Variants in FLYWCH1 observed in about 807,000 individuals in gnomAD.
The protein encoded by FLYWCH1 is FLYWCH-type zinc finger-containing protein 1.
A neutral mutation model predicts 66.4 loss-of-function variants in FLYWCH1; 75 were observed. That is an observed-to-expected ratio of 1.13 (90% CI 0.94 to 1.37). The LOEUF (loss-of-function observed/expected upper bound fraction) is 1.37, where lower values mean the gene tolerates loss of function less well. FLYWCH1 is among the 40% of genes most tolerant of loss of function. The pLI, the probability that FLYWCH1 is intolerant of heterozygous loss-of-function variation, is 0.00. For missense variants in FLYWCH1, 1,334 were observed against 1,001.8 expected, an observed-to-expected ratio of 1.33 and a Z score of -4.48; for synonymous variants, 595 against 429.9, an observed-to-expected ratio of 1.38 and a Z score of -4.75.
intron 9 of FLYWCH1, among the ~76,000 whole-genome samples, chr16:2,942,842 G>C (rs11076991): frequency 0.28 from 42,358 of 149,096 alleles, 6,106 homozygotes; most frequent in Admixed American, 0.31. Flanking sequence ...GCTGGGATTA[G>C]AAGTGCGCAC....
chr16:2,931,958 A>T (rs143477515), intron 4 of FLYWCH1, among the ~76,000 whole-genome samples: 2 of 152,042 alleles, frequency 1.3e-5, no homozygotes, highest in African/African-American at 4.8e-5. Context: ...CTAAAAAAAT[A>T]CAAAAAAAGA....
At chr16:2,924,352 A>T (rs974389831) in intron 2 of FLYWCH1, among the ~76,000 whole-genome samples, 8 of 151,992 alleles carry the variant, frequency 5.3e-5, no homozygotes, top group African/African-American at 1.9e-4. Flanking sequence ...AAAAGTAAAA[A>T]GCCAGAACCC....
intron 2 of FLYWCH1, among the ~76,000 whole-genome samples, chr16:2,919,162 A>C (rs1596355144): frequency 6.7e-6 from 1 of 150,054 alleles, no homozygotes; most frequent in African/African-American, 2.5e-5. Context: ...GTTGTGATCC[A>C]CCCACCTCAG....
intron 9 of FLYWCH1, among the ~76,000 whole-genome samples, chr16:2,941,885 G>A (rs555394064): frequency 2.0e-5 from 3 of 150,926 alleles, no homozygotes; most frequent in East Asian, 3.9e-4. Context: ...GCCAGGCGTG[G>A]TGGTGGGAGC....
intron 2 of FLYWCH1, among the ~76,000 whole-genome samples, chr16:2,917,948 C>G (rs11649441): frequency 0.035 from 5,344 of 151,894 alleles, 140 homozygotes; most frequent in Middle Eastern, 0.054. Flanking sequence ...GCAATTCTCC[C>G]TGCCTCAGCC....
At position 2,948,944 on chromosome 16, in the gene FLYWCH1, G is replaced by T. The variant is rs1223051165; in HGVS notation, c.*217G>T. ...ACAGTGCTCAGAGCTGGCGCTTGCA[G>T]ACGCAGCTGTCGTGGGGCAGGGCGG... On this transcript the variant is annotated 3_prime_UTR_variant, in exon 10 of 10. Coordinates refer to ENST00000253928, the MANE Select transcript of FLYWCH1 (RefSeq NM_001308068.2). 1 of 552,604 alleles carries T rather than the reference G, an allele frequency of 1.8e-6. No individual in the cohort carries two copies. Among genetic ancestry groups the T allele is most frequent in the Admixed American group, 3.2e-5 (1 of 31,504 alleles). The allele number at this position is 552,604 out of a possible 1,614,324, so 34.2% of individuals were successfully genotyped here. A position where few individuals can be genotyped will look rare whatever the true frequency, so the allele number is the denominator to read the frequency against.
In FLYWCH1 at chr16:2,950,767, G is replaced by A. The variant is rs981202847; in HGVS notation, c.*2040G>A. The A allele has an allele frequency of 8.5e-5, 13 of 152,302 alleles. No individual in the cohort carries two copies. The highest frequency in any genetic ancestry group is 2.9e-4 in the African/African-American group (12 of 41,470). 9.4% of individuals were successfully genotyped at this position (152,302 alleles called of 1,614,324 possible). ...TCTTCCTCTGCCTCACGCCTGCTTT[G>A]ACCTTAGAAGACAGACGGCAGCTCG... On this transcript the variant is annotated 3_prime_UTR_variant, in exon 10 of 10. Transcript: ENST00000253928.
chr16:2,939,802 T>G lies in FLYWCH1; in HGVS notation c.2051-230T>G, dbSNP rs1362286081. 2.0e-5 allele frequency: 9 copies of G among 444,394 alleles called. No homozygotes were observed. In the Admixed American group the frequency reaches 2.5e-4, roughly 12 times the overall value. 27.5% of individuals were successfully genotyped at this position (444,394 alleles called of 1,614,324 possible). Reference sequence around the variant, plus strand: ...CTGGCCTTTCATCTTTGATGTCTAGTTGACCCCCACTATTTTCCATGACAG... The same window carrying G: ...CTGGCCTTTCATCTTTGATGTCTAGGTGACCCCCACTATTTTCCATGACAG... On this transcript the variant is annotated intron_variant, in intron 8 of 9. Transcript: ENST00000253928.
chr16:2,942,709 G>A lies in FLYWCH1; in HGVS notation c.2111+2617G>A, dbSNP rs546964577. ...TGTGTGCAAGGTTCACCCTTGGCTGGCATCTGGGAACTTTTTTTTTTTTTT... is the reference window on the plus strand; with the variant it reads ...TGTGTGCAAGGTTCACCCTTGGCTGACATCTGGGAACTTTTTTTTTTTTTT... On this transcript the variant is annotated intron_variant, in intron 9 of 9. Transcript: ENST00000253928. Among the ~76,000 whole-genome samples the A allele has an allele frequency of 2.9e-5, 4 of 135,748 alleles. No individual in the cohort carries two copies. The East Asian group carries it at 8.6e-4, about 29-fold the overall frequency. 89.1% of individuals were successfully genotyped at this position (135,748 alleles called of 152,430 possible).
chr16:2,934,002 C>A, intron 6 of FLYWCH1, 23 bp downstream of exon 6: 1 of 1,498,702 alleles, frequency 6.7e-7, no homozygotes, highest in Non-Finnish European at 8.9e-7. Flanking sequence ...GGGCTGGGAG[C>A]TGGGCCCCAG....
chr16:2,948,094 A>T (rs1056204835), intron 9 of FLYWCH1, among the ~76,000 whole-genome samples: 14 of 152,118 alleles, frequency 9.2e-5, no homozygotes, highest in Admixed American at 2.6e-4. Context: ...AAGAACCTTG[A>T]GGCTTGGGTG....
In FLYWCH1 at chr16:2,930,634, C is replaced by A. The variant is rs534891725; in HGVS notation, c.550C>A (p.Arg184=). 142 of 1,548,682 alleles carry A rather than the reference C, an allele frequency of 9.2e-5. 2 individuals carry two copies. In the African/African-American group the frequency reaches 1.4e-3, roughly 16 times the overall value. Residue 184 remains arginine (R), a synonymous_variant, in exon 4 of 10, where the codon CGG becomes AGG. Transcript: ENST00000253928. ...HAPDEQGLEA[R]RQREKLPSLA... is the part of the protein sequence containing the mutation. Reference sequence around the variant, plus strand: ...GCCCGATGAGCAAGGCCTGGAGGCCCGGCGCCAGAGGGAGAAACTGCCCAG... The same window carrying A: ...GCCCGATGAGCAAGGCCTGGAGGCCAGGCGCCAGAGGGAGAAACTGCCCAG...
At chr16:2,934,369 A>C (rs1367989455) in intron 6 of FLYWCH1, among the ~76,000 whole-genome samples, 1 of 152,164 alleles carries the variant, frequency 6.6e-6, no homozygotes, top group Non-Finnish European at 1.5e-5. Flanking sequence ...TGAGGAGGTG[A>C]TATTTACTTA....
Position 2,929,898 on chromosome 16 carries a change from T to A in FLYWCH1, c.213T>A (p.Ala71=), listed in dbSNP as rs779650067. ...ACTGCGTCCTGTCCCTGGAGATGGC[T>A]GGCCCCGCCACCCTCGCCAGCACCT... ...EVHCVLSLEM[A]GPATLASTLQ... Residue 71 remains alanine (A), a synonymous_variant, in exon 3 of 10, where the codon GCT becomes GCA. Coordinates refer to ENST00000253928, the MANE Select transcript of FLYWCH1 (RefSeq NM_001308068.2). 30 of 1,613,616 alleles carry A rather than the reference T, an allele frequency of 1.9e-5. No homozygotes were observed. The highest frequency in any genetic ancestry group is 2.7e-5 in the African/African-American group (2 of 74,912).
chr16:2,933,484 C>A lies in FLYWCH1; in HGVS notation c.1151C>A (p.Thr384Asn). The A allele has an allele frequency of 3.1e-6, 5 of 1,606,860 alleles. No individual in the cohort carries two copies. Among genetic ancestry groups the A allele is most frequent in the Non-Finnish European group, 4.2e-6 (5 of 1,177,194 alleles). ...YRRGPGPLTL[T>N]RPRPRKRAKV... ...AGGGGTCCGGGTCCCCTGACTCTCA[C>A]CAGGCCTCGGCCCAGAAAGCGAGCA... is the stretch of plus-strand genomic sequence containing the variant. Residue 384 changes from threonine (T) to asparagine (N), a missense_variant, in exon 5 of 10, where the codon ACC (threonine) becomes AAC (asparagine). Transcript: ENST00000253928.
intron 6 of FLYWCH1, chr16:2,935,132 A>C (rs892598126): frequency 3.3e-5 from 5 of 152,574 alleles, no homozygotes; most frequent in African/African-American, 1.2e-4. Context: ...CATGTTGGCC[A>C]GGCTGGTCTC....
At chr16:2,927,653 A>T (rs1168877117) in intron 2 of FLYWCH1, among the ~76,000 whole-genome samples, 1 of 152,234 alleles carries the variant, frequency 6.6e-6, no homozygotes, top group Admixed American at 6.5e-5. Flanking sequence ...GTCGTCTAAA[A>T]AAGAATTCCC....
chr16:2,934,028 C>G (rs1266542746), intron 6 of FLYWCH1, 49 bp downstream of exon 6: 1 of 1,466,924 alleles, frequency 6.8e-7, no homozygotes, highest in South Asian at 1.4e-5. Context: ...AGGCAGGAGC[C>G]CCACACTGCC....
rs551128688 is a variant in FLYWCH1 at position 2,930,330 on chromosome 16, C to T, written c.326-80C>T. ...AAGGCACCTGCCATACTCAGGATCC[C>T]CACGCCCTCCCTGGCTCTCTGTGCC... On this transcript the variant is annotated intron_variant, in intron 3 of 9. Transcript: ENST00000253928. The T allele has an allele frequency of 1.3e-4, 110 of 874,324 alleles. No homozygotes were observed. The South Asian group carries it at 1.8e-3, about 15-fold the overall frequency. 54.2% of individuals were successfully genotyped at this position (874,324 alleles called of 1,614,324 possible).
Sources: allele counts gnomAD v4.1 joint callset (sites outside exome capture counted in the v4.1 genomes callset), GRCh38; gene constraint gnomAD v4.1.1; transcripts MANE v1.5; gene names NCBI Gene and HGNC (gene_info 2026-07-23, HGNC 2026-07-21).